GRID2: variants seen among roughly 807,000 people sequenced by gnomAD.
GRID2 encodes glutamate ionotropic receptor delta type subunit 2, also known as glutamate receptor ionotropic, delta-2.
GRID2 carries 33 observed loss-of-function variants against 114.8 expected under a neutral mutation model. The ratio of observed to expected loss-of-function variants is 0.29; its 90% CI spans 0.22 to 0.38. The LOEUF (loss-of-function observed/expected upper bound fraction) is 0.38, where lower values mean the gene tolerates loss of function less well. Among genes scored for constraint, GRID2 ranks in the 10% least tolerant of loss-of-function variants. The pLI is 1.00. For missense variants in GRID2, 1,184 were observed against 1,257.7 expected (o/e 0.94, Z 0.89); for synonymous variants, 505 against 449.9 (o/e 1.12, Z -1.55).
At chr4:92,629,288 C>A (rs553248348) in intron 2 of GRID2, among the ~76,000 whole-genome samples, 6 of 152,074 alleles carry the variant, frequency 3.9e-5, no homozygotes, top group African/African-American at 1.4e-4. Flanking sequence ...GTCTGAGAAT[C>A]TTAATAAGGT....
At chr4:93,309,005 A>G (rs1045937434) in intron 8 of GRID2, among the ~76,000 whole-genome samples, 25 of 152,302 alleles carry the variant, frequency 1.6e-4, no homozygotes, top group African/African-American at 5.8e-4. Context: ...TCCTCCATAC[A>G]TAGACACCTC....
intron 13 of GRID2, among the ~76,000 whole-genome samples, chr4:93,529,361 G>C (rs1731227254): frequency 6.6e-6 from 1 of 152,190 alleles, no homozygotes; most frequent in African/African-American, 2.4e-5. Flanking sequence ...GATCTTCAAG[G>C]CATGGGCCCT....
chr4:93,644,673 C>T (rs563075934), intron 14 of GRID2, among the ~76,000 whole-genome samples: 2 of 152,048 alleles, frequency 1.3e-5, no homozygotes, highest in African/African-American at 4.8e-5. Flanking sequence ...TTAGCAAGTG[C>T]AGAAATTTGC....
chr4:92,621,807 T>A (rs1421946398), intron 2 of GRID2, among the ~76,000 whole-genome samples: 1 of 151,742 alleles, frequency 6.6e-6, no homozygotes, highest in Non-Finnish European at 1.5e-5. Context: ...GTAAGTAGAA[T>A]TTTTCTTCAA....
At chr4:92,932,208 G>T (rs956398269) in intron 2 of GRID2, among the ~76,000 whole-genome samples, 16 of 151,294 alleles carry the variant, frequency 1.1e-4, no homozygotes, top group African/African-American at 3.6e-4. Flanking sequence ...CAACTTTTAT[G>T]AGTAAATATG....
chr4:93,028,333 G>C (rs1034927764), intron 2 of GRID2, among the ~76,000 whole-genome samples: 3 of 152,036 alleles, frequency 2.0e-5, no homozygotes, highest in Non-Finnish European at 4.4e-5. Flanking sequence ...CCTTTAGAGG[G>C]GGTGGGGATG....
chr4:92,713,350 G>C (rs1307108210), intron 2 of GRID2, among the ~76,000 whole-genome samples: 1 of 150,998 alleles, frequency 6.6e-6, no homozygotes, highest in Non-Finnish European at 1.5e-5. Context: ...GAAAAAATAA[G>C]AGAATGGCCA....
At chr4:93,187,936 A>G (rs1740596025) in intron 4 of GRID2, among the ~76,000 whole-genome samples, 1 of 152,206 alleles carries the variant, frequency 6.6e-6, no homozygotes, top group Admixed American at 6.5e-5. Flanking sequence ...TCGGGCCCCC[A>G]AGTTTCCAGG....
chr4:93,271,695 A>C (rs1015169091), intron 8 of GRID2, among the ~76,000 whole-genome samples: 3 of 152,310 alleles, frequency 2.0e-5, no homozygotes, highest in Admixed American at 6.5e-5. Flanking sequence ...GACCTGTCTA[A>C]ATTTTTTGAA....
intron 14 of GRID2, among the ~76,000 whole-genome samples, chr4:93,725,995 C>A (rs1729844880): frequency 6.6e-6 from 1 of 152,112 alleles, no homozygotes; most frequent in Non-Finnish European, 1.5e-5. Context: ...TAATTAGATC[C>A]CATTTGTCAA....
chr4:93,487,727 G>A (rs1726557214), intron 11 of GRID2, among the ~76,000 whole-genome samples: 1 of 151,806 alleles, frequency 6.6e-6, no homozygotes, highest in Non-Finnish European at 1.5e-5. Context: ...CAAATATGAA[G>A]CTATCTTTCT....
chr4:93,442,613 C>G (rs1422348239), intron 10 of GRID2, among the ~76,000 whole-genome samples: 1 of 151,796 alleles, frequency 6.6e-6, no homozygotes, highest in Non-Finnish European at 1.5e-5. Context: ...GACAGAACGA[C>G]AGAGACAGAG....
At chr4:93,606,792 T>C (rs1396816465) in intron 13 of GRID2, among the ~76,000 whole-genome samples, 1 of 152,304 alleles carries the variant, frequency 6.6e-6, no homozygotes, top group Non-Finnish European at 1.5e-5. Flanking sequence ...CATGTAATTA[T>C]GAATACCCTA....
At chr4:92,520,450 T>C (rs970867035) in intron 1 of GRID2, among the ~76,000 whole-genome samples, 8 of 151,900 alleles carry the variant, frequency 5.3e-5, no homozygotes, top group Admixed American at 5.3e-4. Context: ...TAGCTGGTGT[T>C]TATAACTACC....
At chr4:92,587,445 C>G (rs1012877222) in intron 1 of GRID2, among the ~76,000 whole-genome samples, 6 of 151,908 alleles carry the variant, frequency 3.9e-5, no homozygotes, top group African/African-American at 1.5e-4. Context: ...GAATTTCTGT[C>G]CCAGGATCCT....
intron 1 of GRID2, among the ~76,000 whole-genome samples, chr4:92,554,016 A>G (rs1560707900): frequency 1.3e-5 from 2 of 152,178 alleles, no homozygotes; most frequent in South Asian, 2.1e-4. Flanking sequence ...TTGGCCAAAT[A>G]TATTTCAGCA....
chr4:93,762,817 G>A (rs921387157), intron 14 of GRID2, among the ~76,000 whole-genome samples: 2 of 151,986 alleles, frequency 1.3e-5, no homozygotes, highest in African/African-American at 2.4e-5. Context: ...CCTGTGCCTC[G>A]CATGCGGGGT....
intron 2 of GRID2, among the ~76,000 whole-genome samples, chr4:92,972,096 G>GT (rs1008705217): frequency 1.5e-4 from 23 of 150,756 alleles, no homozygotes; most frequent in East Asian, 3.9e-4. Flanking sequence ...CCTACTTTTA[G>GT]TTTTTTTTTC....
chr4:93,614,267 G>A (rs1021893149), intron 13 of GRID2, among the ~76,000 whole-genome samples: 11 of 152,262 alleles, frequency 7.2e-5, no homozygotes, highest in South Asian at 6.2e-4. Context: ...GAAATCACCC[G>A]TCTTCTGCGT....
Sources: gnomAD v4.1 joint callset for allele counts (sites outside exome capture counted in the v4.1 genomes callset) on GRCh38, gnomAD v4.1.1 for gene constraint, MANE v1.5 for transcripts, NCBI Gene and HGNC (gene_info 2026-07-23, HGNC 2026-07-21) for gene names.